The following OSBPL10 variants were observed in gnomAD, a reference collection of about 807,000 sequenced individuals.
OSBPL10 encodes oxysterol-binding protein-related protein 10.
A neutral mutation model predicts 81.7 loss-of-function variants in OSBPL10; 49 were observed. The ratio of observed to expected loss-of-function variants is 0.60; its 90% CI spans 0.48 to 0.76. The LOEUF (loss-of-function observed/expected upper bound fraction) is 0.76. Ranked by LOEUF, OSBPL10 falls within the 30% of genes least tolerant of loss-of-function variation. The probability of loss-of-function intolerance (pLI) is 0.00; values close to 1 mark genes in which losing one functional copy is unlikely to be tolerated. For synonymous variants in OSBPL10, 419 were observed against 383.6 expected (o/e 1.09, Z -1.08); for missense variants, 923 against 987.8 (o/e 0.93, Z 0.88).
At chr3:31,819,450 C>T (rs995714773) in intron 4 of OSBPL10, among the ~76,000 whole-genome samples, 2 of 152,224 alleles carry the variant, frequency 1.3e-5, no homozygotes, top group African/African-American at 4.8e-5. Flanking sequence ...GAACTGAGGT[C>T]GCTGCTCTTT....
Position 31,908,692 on chromosome 3 carries a change from A to G in OSBPL10, c.282-28862T>C, listed in dbSNP as rs115054391. On this transcript the variant is annotated intron_variant, in intron 1 of 11. Transcript: ENST00000396556. ...ACTTCAGGATGTTTGCTTGCCTTTAAACATTCTGTGATTCCCTGGGTTGTG... is the reference window on the plus strand; with the variant it reads ...ACTTCAGGATGTTTGCTTGCCTTTAGACATTCTGTGATTCCCTGGGTTGTG... Among the ~76,000 whole-genome samples the G allele has an allele frequency of 4.4e-3, 670 of 152,308 alleles. 2 individuals are homozygous for G. The highest frequency in any genetic ancestry group is 7.9e-3 in the Non-Finnish European group (537 of 68,024).
At chr3:31,677,480 C>T (rs1700508147) in intron 8 of OSBPL10, among the ~76,000 whole-genome samples, 1 of 152,208 alleles carries the variant, frequency 6.6e-6, no homozygotes, top group Admixed American at 6.5e-5. Flanking sequence ...AGGCCTTTCA[C>T]AGTCTCTCTC....
At chr3:31,756,007 AC>A (rs1476805828) in intron 4 of OSBPL10, among the ~76,000 whole-genome samples, 1 of 152,226 alleles carries the variant, frequency 6.6e-6, no homozygotes. Context: ...TTTTATCTTT[AC>A]AAACTCCTTA....
chr3:31,965,886 AAC>A (rs200356733), intron 1 of OSBPL10, among the ~76,000 whole-genome samples: 6,991 of 92,982 alleles, frequency 0.075, 991 homozygotes, highest in African/African-American at 0.24. Context: ...TAAAATAGAT[AAC>A]ATATATTATA....
intron 3 of OSBPL10, among the ~76,000 whole-genome samples, chr3:31,831,248 A>C (rs1700232634): frequency 6.6e-6 from 1 of 152,068 alleles, no homozygotes; most frequent in African/African-American, 2.4e-5. Context: ...CTCTACTAAA[A>C]GTACAAAATT....
At chr3:31,762,630 A>ATTTTTTTTTTTTTTTTTT (rs56311731) in intron 4 of OSBPL10, among the ~76,000 whole-genome samples, 3,057 of 61,344 alleles carry the variant, frequency 0.05, 829 homozygotes, top group Non-Finnish European at 0.054. Flanking sequence ...CATGCCCAGC[A>ATTTTTTTTTTTTTTTTTT]TTTTTTTTTT....
chr3:31,876,460 G>A lies in OSBPL10; in HGVS notation c.510C>T (p.Ala170=), dbSNP rs1486192396. ...TAGAATTCATTTCCATGTGGTATTT[G>A]GCACAAGCTCGAAGCTGAGTCACCC... ...QFWVTQLRAC[A]KYHMEMNSKS... Residue 170 remains alanine, a synonymous_variant, in exon 3 of 12, where the codon GCC becomes GCT. Coordinates refer to ENST00000396556, the MANE Select transcript of OSBPL10 (RefSeq NM_017784.5). The A allele has an allele frequency of 6.2e-7, 1 of 1,613,266 alleles. No individual in the cohort carries two copies. Among genetic ancestry groups the A allele is most frequent in the African/African-American group, 1.3e-5 (1 of 74,898 alleles).
chr3:31,908,016 G>A lies in OSBPL10; in HGVS notation c.282-28186C>T, dbSNP rs143928382. Among the ~76,000 whole-genome samples the A allele has an allele frequency of 1.4e-4, 21 of 152,310 alleles. No homozygotes were observed. The East Asian group carries it at 4.1e-3, about 29-fold the overall frequency. The stretch of plus-strand genomic sequence containing the variant: ...TCACTGGGTCAGGGAAGGCCTGTCT[G>A]TAAGGTGACTCTGAGCAAAGACTGG... On this transcript the variant is annotated intron_variant, in intron 1 of 11. Coordinates refer to ENST00000396556, the MANE Select transcript of OSBPL10 (RefSeq NM_017784.5).
chr3:31,817,861 T>C (rs1334327243), intron 4 of OSBPL10, among the ~76,000 whole-genome samples: 3 of 152,082 alleles, frequency 2.0e-5, no homozygotes, highest in Non-Finnish European at 4.4e-5. Flanking sequence ...TCCCAACACT[T>C]TAGGAGGCCA....
chr3:32,035,648 T>C (rs966430302), intron 2 of OSBPL10, among the ~76,000 whole-genome samples: 1 of 142,798 alleles, frequency 7.0e-6, no homozygotes, highest in African/African-American at 2.6e-5. Context: ...TAGAGAAAAA[T>C]AATAGGTTTG....
intron 1 of OSBPL10, among the ~76,000 whole-genome samples, chr3:31,951,329 GAAACA>G (rs1201952101): frequency 6.6e-6 from 1 of 151,608 alleles, no homozygotes; most frequent in African/African-American, 2.4e-5. Flanking sequence ...ATAAAACTGA[GAAACA>G]AAACTAAATA....
intron 4 of OSBPL10, among the ~76,000 whole-genome samples, chr3:31,791,200 T>C (rs975221787): frequency 2.0e-5 from 3 of 152,244 alleles, no homozygotes; most frequent in African/African-American, 7.2e-5. Flanking sequence ...TTGGCTCTTA[T>C]GCTAGGTGAA....
intron 4 of OSBPL10, among the ~76,000 whole-genome samples, chr3:31,750,627 C>T (rs574010066): frequency 1.5e-4 from 23 of 152,224 alleles, no homozygotes; most frequent in Admixed American, 3.3e-4. Context: ...AAATGGATTT[C>T]GAGCTATTTG....
At chr3:32,076,374 A>T (rs1699876885) in intron 1 of OSBPL10, among the ~76,000 whole-genome samples, 1 of 152,016 alleles carries the variant, frequency 6.6e-6, no homozygotes, top group Non-Finnish European at 1.5e-5. Flanking sequence ...TCTCAAAAAA[A>T]AAAAAAGAAT....
Position 31,923,144 on chromosome 3 carries a change from C to T in OSBPL10, c.282-43314G>A, listed in dbSNP as rs147108430. On this transcript the variant is annotated intron_variant, in intron 1 of 11. Transcript: ENST00000396556. ...ACTGGTTTCCCAGGGTAACCACTCT[C>T]CTCTTATTGAAGAGTCTCTGAAGGC... 2.4e-3 allele frequency among the ~76,000 whole-genome samples: 358 copies of T among 152,264 alleles called. 2 individuals are homozygous for T. Among genetic ancestry groups the T allele is most frequent in the African/African-American group, 8.0e-3 (331 of 41,558 alleles).
intron 4 of OSBPL10, among the ~76,000 whole-genome samples, chr3:31,827,247 G>A (rs1421679955): frequency 2.0e-5 from 3 of 151,612 alleles, no homozygotes; most frequent in African/African-American, 7.3e-5. Context: ...GAAACTCTAT[G>A]GAAAATTTCA....
At chr3:31,740,853 G>A (rs1178514666) in intron 5 of OSBPL10, among the ~76,000 whole-genome samples, 3 of 72,966 alleles carry the variant, frequency 4.1e-5, no homozygotes, top group East Asian at 5.3e-4. Flanking sequence ...ACCACTACTA[G>A]AATTTATATA....
chr3:32,043,041 T>C (rs956591721), intron 2 of OSBPL10, among the ~76,000 whole-genome samples: 5 of 152,082 alleles, frequency 3.3e-5, no homozygotes, highest in Non-Finnish European at 5.9e-5. Context: ...TCAAATTTAC[T>C]GGGGCGGGTT....
At chr3:31,676,857 A>G (rs927142782) in intron 8 of OSBPL10, among the ~76,000 whole-genome samples, 1 of 152,224 alleles carries the variant, frequency 6.6e-6, no homozygotes, top group Non-Finnish European at 1.5e-5. Context: ...TCCCGTGGAC[A>G]GAGGTCTTAG....
Sources: allele counts gnomAD v4.1 joint callset (sites outside exome capture counted in the v4.1 genomes callset), GRCh38; gene constraint gnomAD v4.1.1; transcripts MANE v1.5; gene names NCBI Gene and HGNC (gene_info 2026-07-23, HGNC 2026-07-21).